The following FUT8 variants were observed in gnomAD, a reference collection of about 807,000 sequenced individuals.
FUT8 encodes the protein alpha-(1,6)-fucosyltransferase.
FUT8 carries 29 observed loss-of-function variants against 71.3 expected under a neutral mutation model. The observed-to-expected ratio is 0.41, with a 90% CI of 0.30 to 0.55. FUT8 has a LOEUF of 0.55. Ranked by LOEUF, FUT8 falls within the 20% of genes least tolerant of loss-of-function variation. The pLI is 0.34. For synonymous variants in FUT8, 254 were observed against 239.3 expected (o/e 1.06, Z -0.57); for missense variants, 544 against 702.1 (o/e 0.77, Z 2.55).
chr14:65,740,972 G>A (rs969272789), intron 10 of FUT8, among the ~76,000 whole-genome samples: 6 of 151,974 alleles, frequency 3.9e-5, no homozygotes, highest in Non-Finnish European at 7.4e-5. Context: ...TATGAGTAGC[G>A]TCATTTTAAA....
chr14:65,615,883 A>G (rs781705308), intron 3 of FUT8, 95 bp from the exon 4 acceptor site: 11 of 820,200 alleles, frequency 1.3e-5, no homozygotes, highest in Non-Finnish European at 2.1e-5. Context: ...TCAACAACTT[A>G]TGGAGTTTAC....
In FUT8 at chr14:65,646,778, A is replaced by G. The variant is rs116655834; in HGVS notation, c.597+17172A>G. Among the ~76,000 whole-genome samples the G allele has an allele frequency of 4.8e-3, 727 of 152,270 alleles. 5 individuals are homozygous for G. Among genetic ancestry groups the G allele is most frequent in the Middle Eastern group, 0.017 (5 of 294 alleles). On this transcript the variant is annotated intron_variant, in intron 6 of 10. Transcript: ENST00000673929. ...ATTACCAAATGAGAATCTAACATCA[A>G]GTAAGTTGTAGATATGGCTCATTGA...
chr14:65,364,202 C>CA, the FUT8 span, among the ~76,000 whole-genome samples: 19 of 45,724 alleles, frequency 4.2e-4, no homozygotes, highest in Non-Finnish European at 7.6e-4. Context: ...GATCCAAAAC[C>CA]ATTTTTTTTT....
rs1393243001 is a variant in FUT8 at position 65,743,423 on chromosome 14, A to C, written c.*1013A>C. 22 of 151,954 alleles carry C rather than the reference A, an allele frequency of 1.4e-4. No individual in the cohort carries two copies. The highest frequency in any genetic ancestry group is 1.5e-5 in the Non-Finnish European group (1 of 67,916). 9.4% of individuals were successfully genotyped at this position (151,954 alleles called of 1,614,324 possible). On this transcript the variant is annotated 3_prime_UTR_variant, in exon 11 of 11. Coordinates refer to ENST00000673929, the MANE Select transcript of FUT8 (RefSeq NM_001371533.1). The stretch of plus-strand genomic sequence containing the variant: ...ATTGTTTTAATTGAGTGAAATAATC[A>C]TAACTCCTTGCTCCCAGAGAAGCTA...
At chr14:65,542,166 GTTA>G (rs1344815188) in intron 2 of FUT8, among the ~76,000 whole-genome samples, 1 of 152,030 alleles carries the variant, frequency 6.6e-6, no homozygotes. Context: ...AAATGTAATC[GTTA>G]TTATTATACT....
At chr14:65,393,904 A>G in the FUT8 span, among the ~76,000 whole-genome samples, 108 of 152,332 alleles carry the variant, frequency 7.1e-4, no homozygotes, top group Non-Finnish European at 1.1e-3. Flanking sequence ...CATGTCTTAC[A>G]TGGCAGCAGG....
the FUT8 span, among the ~76,000 whole-genome samples, chr14:65,361,931 CT>C: frequency 5.3e-5 from 8 of 152,098 alleles, no homozygotes; most frequent in African/African-American, 1.2e-4. Flanking sequence ...AGATCCTCCC[CT>C]ATCTCTATTT....
intron 2 of FUT8, among the ~76,000 whole-genome samples, chr14:65,509,417 C>T (rs1453424857): frequency 6.6e-6 from 1 of 151,870 alleles, no homozygotes; most frequent in Admixed American, 6.6e-5. Context: ...TTTTGTGGTT[C>T]CCTATAAATT....
Position 65,688,941 on chromosome 14 carries a change from A to T in FUT8, c.835+19461A>T, listed in dbSNP as rs1893438842. Among the ~76,000 whole-genome samples the T allele has an allele frequency of 2.0e-5, 3 of 152,118 alleles. No homozygotes were observed. The South Asian group carries it at 6.2e-4, about 31-fold the overall frequency. ...CTGTGTCTCTTCCTCTTCTTCTGAGACCACCAATTCCATCATGGGAACTCT... is the reference window on the plus strand; with the variant it reads ...CTGTGTCTCTTCCTCTTCTTCTGAGTCCACCAATTCCATCATGGGAACTCT... On this transcript the variant is annotated intron_variant, in intron 7 of 10. Transcript: ENST00000673929.
At chr14:65,515,241 T>C (rs576144252) in intron 2 of FUT8, among the ~76,000 whole-genome samples, 1 of 152,264 alleles carries the variant, frequency 6.6e-6, no homozygotes, top group South Asian at 2.1e-4. Flanking sequence ...TTTTTAAGAA[T>C]TAAACAGTAG....
At chr14:65,693,781 A>G (rs1307588463) in intron 7 of FUT8, among the ~76,000 whole-genome samples, 1 of 152,184 alleles carries the variant, frequency 6.6e-6, no homozygotes, top group East Asian at 1.9e-4. Context: ...TTTGTTCCTT[A>G]AATGTTTAGT....
chr14:65,449,247 G>T (rs1015993151), intron 1 of FUT8, among the ~76,000 whole-genome samples: 1 of 152,252 alleles, frequency 6.6e-6, no homozygotes, highest in East Asian at 1.9e-4. Context: ...AATGTTAATT[G>T]TTAGAATAAT....
the FUT8 span, among the ~76,000 whole-genome samples, chr14:65,385,439 G>C: frequency 6.6e-6 from 1 of 152,058 alleles, no homozygotes; most frequent in African/African-American, 2.4e-5. Context: ...AACATGTTTT[G>C]CATATAGAAA....
At chr14:65,466,013 T>C (rs1458227619) in intron 2 of FUT8, among the ~76,000 whole-genome samples, 2 of 152,232 alleles carry the variant, frequency 1.3e-5, no homozygotes, top group Non-Finnish European at 2.9e-5. Context: ...AGATTGACCA[T>C]CTGTTATTAG....
chr14:65,376,898 C>T, the FUT8 span, among the ~76,000 whole-genome samples: 2 of 152,186 alleles, frequency 1.3e-5, no homozygotes, highest in African/African-American at 4.8e-5. Flanking sequence ...AAGAGTTTCA[C>T]GTGAGGGATA....
At chr14:65,659,023 CTG>C (rs1180033931) in intron 6 of FUT8, among the ~76,000 whole-genome samples, 3 of 151,938 alleles carry the variant, frequency 2.0e-5, no homozygotes, top group Non-Finnish European at 4.4e-5. Flanking sequence ...TAGTAACTCT[CTG>C]TACTATTTTG....
intron 6 of FUT8, among the ~76,000 whole-genome samples, chr14:65,668,422 C>A (rs1892319085): frequency 6.6e-6 from 1 of 152,098 alleles, no homozygotes; most frequent in African/African-American, 2.4e-5. Context: ...AAGACATATA[C>A]ACAGTCAATA....
At chr14:65,511,895 A>G (rs556507486) in intron 2 of FUT8, among the ~76,000 whole-genome samples, 10 of 152,242 alleles carry the variant, frequency 6.6e-5, no homozygotes, top group Non-Finnish European at 1.3e-4. Context: ...ATTTACACTC[A>G]GTGTTATTAT....
intron 2 of FUT8, among the ~76,000 whole-genome samples, chr14:65,484,362 A>T (rs2066377484): frequency 6.6e-6 from 1 of 152,166 alleles, no homozygotes; most frequent in African/African-American, 2.4e-5. Context: ...ATTAAGTATG[A>T]TGTTGTAGAT....
Sources: gnomAD v4.1 joint callset for allele counts (sites outside exome capture counted in the v4.1 genomes callset) on GRCh38, gnomAD v4.1.1 for gene constraint, MANE v1.5 for transcripts, NCBI Gene and HGNC (gene_info 2026-07-23, HGNC 2026-07-21) for gene names.